The following FYB1 variants were observed in gnomAD, a reference collection of about 807,000 sequenced individuals.
FYB1 encodes the protein FYN binding protein 1, also known as FYN-binding protein 1.
FYB1 carries 41 observed loss-of-function variants against 94.1 expected under a neutral mutation model. The ratio of observed to expected loss-of-function variants is 0.44; its 90% CI spans 0.34 to 0.57. FYB1 has a LOEUF of 0.57. Ranked by LOEUF, FYB1 falls within the 20% of genes least tolerant of loss-of-function variation. The pLI, the probability that FYB1 is intolerant of heterozygous loss-of-function variation, is 0.02. For missense variants in FYB1, 1,050 were observed against 976.8 expected, an observed-to-expected ratio of 1.07 and a Z score of -1.00; for synonymous variants, 367 against 353.2, an observed-to-expected ratio of 1.04 and a Z score of -0.44.
chr5:39,202,450 G>T lies in FYB1; in HGVS notation c.511C>A (p.Pro171Thr). The change falls in exon 2 of 19, where the codon CCC (proline) becomes ACC (threonine). Residue 171 changes from proline (P) to threonine (T), a missense_variant. Physicochemically the swap from Pro to Thr is conservative, Grantham distance 38. Coordinates refer to ENST00000512982, the MANE Select transcript of FYB1 (RefSeq NM_001465.6). ...TSENEQKQAFPKLTGVKGKFM... is the reference protein window; with the variant it reads ...TSENEQKQAFTKLTGVKGKFM... ...TTCCCTTTAACCCCAGTCAATTTGG[G>T]AAACGCTTGCTTCTGTTCATTTTCT... is the stretch of plus-strand genomic sequence containing the variant. 1.2e-6 allele frequency: 2 copies of T among 1,613,952 alleles called. No individual in the cohort carries two copies. Among genetic ancestry groups the T allele is most frequent in the Non-Finnish European group, 1.7e-6 (2 of 1,179,882 alleles).
intron 9 of FYB1, 49 bp downstream of exon 9, chr5:39,134,155 ATTTC>A: frequency 1.4e-6 from 2 of 1,404,936 alleles, no homozygotes; most frequent in Non-Finnish European, 1.9e-6. Context: ...AATATACAAA[ATTTC>A]TGACAAGGAG....
rs1275617736 is a variant in FYB1, at chr5:39,137,386, T to C, written c.1515+214A>G. 3 of 402,618 alleles carry C rather than the reference T, an allele frequency of 7.5e-6. No individual in the cohort carries two copies. The East Asian group carries it at 1.7e-4, about 23-fold the overall frequency. The allele number at this position is 402,618 out of a possible 1,614,324, so 24.9% of individuals were successfully genotyped here. A position where few individuals can be genotyped will look rare whatever the true frequency, so the allele number is the denominator to read the frequency against. On this transcript the variant is annotated intron_variant, in intron 7 of 18. Coordinates refer to ENST00000512982, the MANE Select transcript of FYB1 (RefSeq NM_001465.6). The stretch of plus-strand genomic sequence containing the variant: ...ATAAAATTTCCTGGGTGTCCACTAA[T>C]TATGAACCAATATATTTATTTAAAT...
intron 14 of FYB1, 68 bp from the exon 15 acceptor site, chr5:39,119,702 A>C: frequency 7.4e-7 from 1 of 1,357,656 alleles, no homozygotes; most frequent in Non-Finnish European, 9.6e-7. Context: ...TCCATAACAG[A>C]GACGATTCAT....
chr5:39,203,009 A>C (rs1748514903), intron 1 of FYB1, 22 bp from the exon 2 acceptor site: 1 of 1,602,982 alleles, frequency 6.2e-7, no homozygotes, highest in Non-Finnish European at 8.5e-7. Context: ...GGGAACAAAA[A>C]ATAGCTGAGA....
chr5:39,115,685 T>G (rs575832775), intron 16 of FYB1, among the ~76,000 whole-genome samples: 27 of 152,110 alleles, frequency 1.8e-4, no homozygotes, highest in Non-Finnish European at 2.5e-4. Flanking sequence ...TAGCTATTTT[T>G]AAAAATTAAG....
intron 1 of FYB1, among the ~76,000 whole-genome samples, chr5:39,228,690 G>C (rs1161294927): frequency 6.6e-6 from 1 of 152,128 alleles, no homozygotes; most frequent in African/African-American, 2.4e-5. Context: ...TTCCCCAGTG[G>C]TTAAAGAAAG....
At chr5:39,267,741 C>A (rs1218954577) in intron 1 of FYB1, among the ~76,000 whole-genome samples, 1 of 152,220 alleles carries the variant, frequency 6.6e-6, no homozygotes, top group East Asian at 1.9e-4. Flanking sequence ...AATTCACTTA[C>A]TATGCCATTA....
intron 7 of FYB1, among the ~76,000 whole-genome samples, chr5:39,135,455 T>A (rs773223554): frequency 2.6e-5 from 4 of 152,252 alleles, no homozygotes; most frequent in Non-Finnish European, 5.9e-5. Flanking sequence ...ATAAACAAGA[T>A]AACATTTCAG....
chr5:39,150,112 C>T lies in FYB1; in HGVS notation c.1292+3336G>A, dbSNP rs190661388. ...GGCCATTTTTTTTCGACTAAATTCC[C>T]GCACTGGGCCCCAGAAGACCAGATT... On this transcript the variant is annotated intron_variant, in intron 3 of 18. Coordinates refer to ENST00000512982, the MANE Select transcript of FYB1 (RefSeq NM_001465.6). Among the ~76,000 whole-genome samples the T allele has an allele frequency of 2.6e-3, 401 of 152,172 alleles. 2 individuals are homozygous for T. The highest frequency in any genetic ancestry group is 3.1e-3 in the Non-Finnish European group (213 of 68,006).
At chr5:39,129,800 A>G (rs1313229144) in intron 10 of FYB1, among the ~76,000 whole-genome samples, 1 of 152,090 alleles carries the variant, frequency 6.6e-6, no homozygotes, top group Admixed American at 6.5e-5. Context: ...GTGGAAAAAA[A>G]GAAACTCATA....
chr5:39,122,766 G>C (rs1178317169), intron 13 of FYB1, among the ~76,000 whole-genome samples: 1 of 152,104 alleles, frequency 6.6e-6, no homozygotes, highest in African/African-American at 2.4e-5. Flanking sequence ...GGATGAAGTA[G>C]AGACAGAAAT....
chr5:39,173,236 C>T (rs998931178), intron 2 of FYB1, among the ~76,000 whole-genome samples: 5 of 152,110 alleles, frequency 3.3e-5, no homozygotes, highest in African/African-American at 1.2e-4. Flanking sequence ...GTTTATCGGC[C>T]ACTTGTACAA....
At chr5:39,117,723 C>T (rs1049213643) in intron 16 of FYB1, among the ~76,000 whole-genome samples, 2 of 152,078 alleles carry the variant, frequency 1.3e-5, no homozygotes, top group Non-Finnish European at 2.9e-5. Context: ...AACTTAGAGT[C>T]CATGTTTTCC....
upstream of FYB1, among the ~76,000 whole-genome samples, chr5:39,219,863 C>T (rs1300495575): frequency 6.6e-6 from 1 of 152,166 alleles, no homozygotes; most frequent in East Asian, 1.9e-4. Flanking sequence ...TCTTTCCACA[C>T]ACCCAGGAGT....
chr5:39,176,861 GC>G (rs1264452391), intron 2 of FYB1, among the ~76,000 whole-genome samples: 2 of 152,322 alleles, frequency 1.3e-5, no homozygotes, highest in East Asian at 3.9e-4. Context: ...GGTGTAGGCA[GC>G]TAAAAGAAAT....
chr5:39,146,975 T>G (rs1450648697), intron 3 of FYB1, among the ~76,000 whole-genome samples: 1 of 152,048 alleles, frequency 6.6e-6, no homozygotes, highest in African/African-American at 2.4e-5. Context: ...CGCTAAGGGT[T>G]CCAAGCATTG....
chr5:39,132,833 T>C (rs1424752693), intron 9 of FYB1, among the ~76,000 whole-genome samples: 1 of 152,222 alleles, frequency 6.6e-6, no homozygotes, highest in Admixed American at 6.5e-5. Flanking sequence ...TATACATTGG[T>C]AATATGCTTG....
chr5:39,185,516 T>TA (rs150535374), intron 2 of FYB1, among the ~76,000 whole-genome samples: 8,109 of 110,608 alleles, frequency 0.073, 477 homozygotes, highest in East Asian at 0.2. Flanking sequence ...GATAACTGAC[T>TA]AAAAAAAAAA....
Position 39,160,001 on chromosome 5 carries a change from C to T in FYB1, c.1136-6397G>A, listed in dbSNP as rs1205966479. ...CTGATTTTGTTCCTCTTCTTCATGGCCAAACTTCTTGGAAAAAACCCCTAC... is the reference window on the plus strand; with the variant it reads ...CTGATTTTGTTCCTCTTCTTCATGGTCAAACTTCTTGGAAAAAACCCCTAC... On this transcript the variant is annotated intron_variant, in intron 2 of 18. Transcript: ENST00000512982. Among the ~76,000 whole-genome samples, 3 of 152,120 alleles carry T rather than the reference C, an allele frequency of 2.0e-5. No homozygotes were observed. The East Asian group carries it at 5.8e-4, about 29-fold the overall frequency.
Sources: gnomAD v4.1 joint callset for allele counts (sites outside exome capture counted in the v4.1 genomes callset) on GRCh38, gnomAD v4.1.1 for gene constraint, MANE v1.5 for transcripts, NCBI Gene and HGNC (gene_info 2026-07-23, HGNC 2026-07-21) for gene names.